The following ITIH2 variants were observed in gnomAD, a reference collection of about 807,000 sequenced individuals.
ITIH2 encodes the protein inter-alpha-trypsin inhibitor heavy chain H2.
A neutral mutation model predicts 104.4 loss-of-function variants in ITIH2; 103 were observed. The ratio of observed to expected loss-of-function variants is 0.99; its 90% CI spans 0.84 to 1.16. ITIH2 has a LOEUF of 1.16. ITIH2 is among the 50% of genes most tolerant of loss of function. The pLI, the probability that ITIH2 is intolerant of heterozygous loss-of-function variation, is 0.00. For missense variants in ITIH2, 1,108 were observed against 1,162.4 expected (o/e 0.95, Z 0.68); for synonymous variants, 436 against 435.4 (o/e 1.00, Z -0.02).
At chr10:7,706,646 A>G (rs751274687) in intron 2 of ITIH2, among the ~76,000 whole-genome samples, 36 of 152,242 alleles carry the variant, frequency 2.4e-4, no homozygotes, top group Non-Finnish European at 4.3e-4. Flanking sequence ...AGCACTCTGC[A>G]GGAAGGAATA....
At chr10:7,735,674 C>CTTTTCTTT (rs1315754609) in intron 15 of ITIH2, among the ~76,000 whole-genome samples, 14 of 130,560 alleles carry the variant, frequency 1.1e-4, no homozygotes, top group African/African-American at 3.9e-4. Context: ...CTTTTCTTTT[C>CTTTTCTTT]TTTTTTTTTT....
At chr10:7,706,150 A>G (rs1834745638) in intron 2 of ITIH2, among the ~76,000 whole-genome samples, 1 of 152,242 alleles carries the variant, frequency 6.6e-6, no homozygotes, top group Admixed American at 6.5e-5. Context: ...TTAAAATCCA[A>G]TAAGCAAGAC....
chr10:7,734,270 T>C (rs1488549558), intron 14 of ITIH2, among the ~76,000 whole-genome samples: 3 of 152,290 alleles, frequency 2.0e-5, no homozygotes, highest in African/African-American at 7.2e-5. Context: ...TGATGTGGGA[T>C]GGATGTTGAT....
intron 2 of ITIH2, among the ~76,000 whole-genome samples, chr10:7,705,750 CT>C (rs1205681033): frequency 6.8e-6 from 1 of 146,014 alleles, no homozygotes; most frequent in Non-Finnish European, 1.5e-5. Context: ...TTCTTCAAAA[CT>C]TAAGATTCCG....
Position 7,744,844 on chromosome 10 carries a change from A to C in ITIH2, c.2462A>C (p.Glu821Ala). 1 of 1,614,126 alleles carries C rather than the reference A, an allele frequency of 6.2e-7. No homozygotes were observed. The highest frequency in any genetic ancestry group is 8.5e-7 in the Non-Finnish European group (1 of 1,179,984). Reference protein sequence around the residue: ...EKVVTITLDKEMSFSVLLHRV... With the variant: ...EKVVTITLDKAMSFSVLLHRV... Reference sequence around the variant, plus strand: ...GTGGTAACTATCACCCTGGATAAAGAGATGTCCTTTTCTGTTTTACTTCAT... The same window carrying C: ...GTGGTAACTATCACCCTGGATAAAGCGATGTCCTTTTCTGTTTTACTTCAT... The change falls in exon 19 of 21, where the codon GAG becomes GCG. Residue 821 changes from glutamate to alanine, a missense_variant. Coordinates refer to ENST00000358415, the MANE Select transcript of ITIH2 (RefSeq NM_002216.3).
At chr10:7,714,622 A>C (rs1834830050) in intron 5 of ITIH2, among the ~76,000 whole-genome samples, 1 of 152,210 alleles carries the variant, frequency 6.6e-6, no homozygotes. Context: ...GCTCTGTACC[A>C]GTTCTGTCAG....
At chr10:7,716,486 A>T (rs1320061173) in intron 5 of ITIH2, among the ~76,000 whole-genome samples, 1 of 152,050 alleles carries the variant, frequency 6.6e-6, no homozygotes, top group Non-Finnish European at 1.5e-5. Flanking sequence ...CTATAATCCC[A>T]GCACTTTCAG....
chr10:7,733,842 T>C (rs1835026569), intron 14 of ITIH2, among the ~76,000 whole-genome samples: 1 of 152,106 alleles, frequency 6.6e-6, no homozygotes, highest in Admixed American at 6.6e-5. Flanking sequence ...TGCAGTTGTA[T>C]GACTGAACTC....
In ITIH2 at chr10:7,737,711, T is replaced by A. The variant is rs868486064; in HGVS notation, c.1958-910T>A. Among the ~76,000 whole-genome samples the A allele has an allele frequency of 1.1e-3, 20 of 18,114 alleles. 1 individual carries two copies. The highest frequency in any genetic ancestry group is 1.5e-3 in the African/African-American group (6 of 4,068). The allele number at this position is 18,114 out of a possible 152,430, so 11.9% of individuals were successfully genotyped here. The stretch of plus-strand genomic sequence containing the variant: ...TTATATTCTATATAATATTCTATAT[T>A]ATATTCTATATAATATTCTATATTA... On this transcript the variant is annotated intron_variant, in intron 15 of 20. Transcript: ENST00000358415.
chr10:7,717,914 G>C (rs1834866289), intron 6 of ITIH2, 126 bp downstream of exon 6: 2 of 898,684 alleles, frequency 2.2e-6, no homozygotes, highest in East Asian at 5.0e-5. Flanking sequence ...AAGACAGTGG[G>C]ATGTATTGAA....
At chr10:7,735,674 C>CTTTTTTTTTTTTTTTTTTTTTTTTTTT (rs35122608) in intron 15 of ITIH2, among the ~76,000 whole-genome samples, 1 of 130,560 alleles carries the variant, frequency 7.7e-6, no homozygotes, top group African/African-American at 3.0e-5. Context: ...CTTTTCTTTT[C>CTTTTTTTTTTTTTTTTTTTTTTTTTTT]TTTTTTTTTT....
chr10:7,748,255 T>C (rs189989585), intron 20 of ITIH2, among the ~76,000 whole-genome samples: 82 of 146,416 alleles, frequency 5.6e-4, no homozygotes, highest in Non-Finnish European at 9.4e-4. Context: ...TACATATATA[T>C]ATATATTTAC....
rs773289080 is a variant in ITIH2, at chr10:7,749,232, C to T, written c.2739C>T (p.Asp913=). The change falls in exon 21 of 21, where the codon GAC becomes GAT. Residue 913 remains aspartate (D), a synonymous_variant. Transcript: ENST00000358415. ...GAACGGATCTAGTGTTTGGAACGGA[C>T]GTTACCTGCTGGTTTGTGCACAACA... ...DYRTDLVFGT[D]VTCWFVHNSG... is the part of the protein sequence containing the mutation. 2.8e-5 allele frequency: 45 copies of T among 1,613,908 alleles called. No individual in the cohort carries two copies. The highest frequency in any genetic ancestry group is 1.3e-5 in the Non-Finnish European group (15 of 1,179,986).
intron 9 of ITIH2, among the ~76,000 whole-genome samples, chr10:7,724,713 G>A (rs1336501142): frequency 6.6e-6 from 1 of 151,946 alleles, no homozygotes; most frequent in African/African-American, 2.4e-5. Flanking sequence ...ATTTTGGATG[G>A]GGTCATTCCT....
In ITIH2 at chr10:7,744,921, C is replaced by G; in HGVS notation, c.2539C>G (p.Pro847Ala). Residue 847 changes from proline to alanine, a missense_variant, in exon 19 of 21, where the codon CCC becomes GCC. By Grantham distance (27) the Pro-to-Ala change is conservative. Coordinates refer to ENST00000358415, the MANE Select transcript of ITIH2 (RefSeq NM_002216.3). ...TGTTGACTTTCTGGGAATCTACATA[C>G]CCCCTACAAACAAGTTCTCACCTAA... is the stretch of plus-strand genomic sequence containing the variant. ...VNVDFLGIYI[P>A]PTNKFSPKAH... The G allele has an allele frequency of 6.2e-7, 1 of 1,614,070 alleles. No individual in the cohort carries two copies.
intron 15 of ITIH2, 28 bp downstream of exon 15, chr10:7,735,119 G>A: frequency 1.3e-6 from 2 of 1,580,054 alleles, no homozygotes; most frequent in Non-Finnish European, 1.7e-6. Context: ...GGGGACAAGT[G>A]GCCAGGCAGC....
intron 19 of ITIH2, 97 bp downstream of exon 19, chr10:7,745,060 T>A: frequency 9.3e-7 from 1 of 1,077,816 alleles, no homozygotes; most frequent in Non-Finnish European, 1.4e-6. Context: ...ATGGCAGGTG[T>A]GGACTCATGA....
chr10:7,716,278 G>A (rs1834849027), intron 5 of ITIH2, among the ~76,000 whole-genome samples: 1 of 152,148 alleles, frequency 6.6e-6, no homozygotes, highest in Non-Finnish European at 1.5e-5. Context: ...TCTGTGCCCA[G>A]TGTATTTACT....
chr10:7,746,067 T>TA (rs1564308527), intron 19 of ITIH2, among the ~76,000 whole-genome samples: 14 of 51,112 alleles, frequency 2.7e-4, no homozygotes, highest in African/African-American at 7.3e-4. Context: ...AATCTTAAAT[T>TA]TAAAAAAAAA....
Sources: gnomAD v4.1 joint callset for allele counts (sites outside exome capture counted in the v4.1 genomes callset) on GRCh38, gnomAD v4.1.1 for gene constraint, MANE v1.5 for transcripts, NCBI Gene and HGNC (gene_info 2026-07-23, HGNC 2026-07-21) for gene names.